Variants in DMAC2L observed in about 807,000 individuals in gnomAD.
The protein encoded by DMAC2L is distal membrane arm assembly component 2 like.
Under a neutral mutation model 22.5 loss-of-function variants are expected in DMAC2L, and 21 were observed. That is an observed-to-expected ratio of 0.93 (90% confidence interval 0.66 to 1.34). The LOEUF (loss-of-function observed/expected upper bound fraction) is 1.34. Among genes scored for constraint, DMAC2L ranks in the 40% most tolerant of loss-of-function variants. DMAC2L has a pLI of 0.00. For synonymous variants in DMAC2L, 86 were observed against 89.5 expected (o/e 0.96, Z 0.22); for missense variants, 239 against 246.5 (o/e 0.97, Z 0.20).
chr14:50,311,598 C>T (rs185162984), upstream of DMAC2L, among the ~76,000 whole-genome samples: 1 of 152,306 alleles, frequency 6.6e-6, no homozygotes, highest in East Asian at 1.9e-4. Flanking sequence ...TCAGATCTTC[C>T]AAGCAACGCC....
At chr14:50,318,736 C>T (rs912082537) in intron 2 of DMAC2L, among the ~76,000 whole-genome samples, 9 of 152,000 alleles carry the variant, frequency 5.9e-5, no homozygotes, top group Non-Finnish European at 7.4e-5. Flanking sequence ...AACTCTTAAT[C>T]ATTAAGACCC....
intron 2 of DMAC2L, among the ~76,000 whole-genome samples, chr14:50,315,080 C>T (rs1053166942): frequency 1.3e-5 from 2 of 152,166 alleles, no homozygotes; most frequent in Non-Finnish European, 1.5e-5. Flanking sequence ...CATTCTCCTG[C>T]TTCAGCCTCC....
chr14:50,320,187 G>A (rs191074995), intron 2 of DMAC2L, among the ~76,000 whole-genome samples: 4 of 152,282 alleles, frequency 2.6e-5, no homozygotes, highest in African/African-American at 9.6e-5. Context: ...TCTGCCTCCC[G>A]GGTTCAAGCG....
At chr14:50,316,538 A>T (rs2031816287) in intron 2 of DMAC2L, among the ~76,000 whole-genome samples, 1 of 152,210 alleles carries the variant, frequency 6.6e-6, no homozygotes, top group Non-Finnish European at 1.5e-5. Context: ...TCTTAGATGT[A>T]AGTCCCTGAT....
At chr14:50,319,343 C>G in intron 2 of DMAC2L, 1 of 1,535,862 alleles carries the variant, frequency 6.5e-7, no homozygotes, top group Admixed American at 2.0e-5. Context: ...CACTGTTCCA[C>G]GGCCTCAGCA....
In DMAC2L at chr14:50,322,506, A is replaced by T. The variant is rs1374798073; in HGVS notation, c.108-5A>T. 1 of 1,589,810 alleles carries T rather than the reference A, an allele frequency of 6.3e-7. No individual in the cohort carries two copies. The highest frequency in any genetic ancestry group is 1.3e-5 in the African/African-American group (1 of 74,198). ...AGCAAACTGCTTTTTTTCTCTTGCC[A>T]ACAGGGTGGATTATGATCGCATCAG... On this transcript the variant is annotated splice_region_variant and splice_polypyrimidine_tract_variant and intron_variant, in intron 3 of 5. Transcript: ENST00000557421.
chr14:50,312,075 C>T (rs561123063), upstream of DMAC2L: 5 of 1,602,792 alleles, frequency 3.1e-6, no homozygotes, highest in African/African-American at 1.3e-5. Flanking sequence ...AACCCGCACG[C>T]CCCAGGGGAG....
At chr14:50,312,956 G>T in intron 1 of DMAC2L, 1 of 1,606,082 alleles carries the variant, frequency 6.2e-7, no homozygotes, top group Non-Finnish European at 8.5e-7. Flanking sequence ...CAGACAGCTC[G>T]GTTTTTGCCA....
chr14:50,320,725 C>T (rs1178260747), intron 2 of DMAC2L, among the ~76,000 whole-genome samples: 2 of 152,132 alleles, frequency 1.3e-5, no homozygotes. Flanking sequence ...AAGCAAACAC[C>T]ATGTTTCATT....
At position 50,313,513 on chromosome 14, in the gene DMAC2L, A is replaced by G. The variant is rs183278211; in HGVS notation, c.-41-1078A>G. ...AGAACAGTGGTACATAGTTTGCTTT[A>G]TTTGTTAAAACAATGTAGAATATTG... On this transcript the variant is annotated intron_variant, in intron 1 of 5. Transcript: ENST00000557421. Among the ~76,000 whole-genome samples, 595 of 152,352 alleles carry G rather than the reference A, an allele frequency of 3.9e-3. 3 individuals are homozygous for G. Among genetic ancestry groups the G allele is most frequent in the African/African-American group, 0.013 (558 of 41,582 alleles).
upstream of DMAC2L, chr14:50,311,900 A>T: frequency 6.9e-7 from 1 of 1,446,956 alleles, no homozygotes; most frequent in Admixed American, 2.0e-5. Flanking sequence ...CAGGACCCCA[A>T]CCTGCTCTCA....
In DMAC2L at chr14:50,312,337, T is replaced by C. The variant is rs887161018; in HGVS notation, c.-94T>C. 5.2e-6 allele frequency: 4 copies of C among 774,952 alleles called. No individual in the cohort carries two copies. The highest frequency in any genetic ancestry group is 8.2e-6 in the Non-Finnish European group (4 of 490,538). 48.0% of individuals were successfully genotyped at this position (774,952 alleles called of 1,614,324 possible). ...TCGGAGGGCGAAGGGCCGGCCAGGG[T>C]GCCGCAGACGCGGGGACGCTGGCTC... On this transcript the variant is annotated 5_prime_UTR_variant, in exon 1 of 6. Coordinates refer to ENST00000557421, the MANE Select transcript of DMAC2L (RefSeq NM_001382507.1).
In DMAC2L at chr14:50,324,037, C is replaced by T. The variant is rs753895702; in HGVS notation, c.409C>T (p.Gln137Ter). The change falls in exon 5 of 6, where the codon CAA becomes TAA. Residue 137 changes from glutamine (Q) to a stop codon, truncating the protein, a stop_gained. Coordinates refer to ENST00000557421, the MANE Select transcript of DMAC2L (RefSeq NM_001382507.1). LOFTEE classifies it high-confidence loss of function. ...GAGACTTAGTCAACTTGAAAATTTA[C>T]AAAAAACCATATTGGAAATGGAAAT... ...LLRLSQLENLQKTILEMEIIS... is the reference protein window; with the variant it reads ...LLRLSQLENL The T allele has an allele frequency of 6.2e-7, 1 of 1,613,596 alleles. No individual in the cohort carries two copies. The highest frequency in any genetic ancestry group is 8.5e-7 in the Non-Finnish European group (1 of 1,179,814).
intron 5 of DMAC2L, 72 bp from the exon 6 acceptor site, chr14:50,325,536 CT>C: frequency 6.7e-7 from 1 of 1,485,724 alleles, no homozygotes; most frequent in Non-Finnish European, 9.2e-7. Context: ...AATTTTCTTT[CT>C]TTAAGTCAGT....
At chr14:50,322,023 T>C (rs929725891) in intron 3 of DMAC2L, among the ~76,000 whole-genome samples, 1 of 152,140 alleles carries the variant, frequency 6.6e-6, no homozygotes, top group Non-Finnish European at 1.5e-5. Flanking sequence ...AAACTAACCT[T>C]CTAATTACTT....
intron 1 of DMAC2L, chr14:50,312,887 G>T: frequency 3.4e-6 from 3 of 882,942 alleles, no homozygotes; most frequent in African/African-American, 1.7e-5. Flanking sequence ...TCATTGATTC[G>T]TCTTGTAAAT....
rs1221323570 is a variant in DMAC2L at position 50,314,066 on chromosome 14, T to A, written c.-41-525T>A. Among the ~76,000 whole-genome samples, 3 of 152,250 alleles carry A rather than the reference T, an allele frequency of 2.0e-5. No homozygotes were observed. The East Asian group carries it at 5.8e-4, about 29-fold the overall frequency. ...TGTATCAGTAGTTCCTTCCTTTTTA[T>A]TACTGAGTGGTATTCCATAATGTAG... On this transcript the variant is annotated intron_variant, in intron 1 of 5. Coordinates refer to ENST00000557421, the MANE Select transcript of DMAC2L (RefSeq NM_001382507.1).
intron 2 of DMAC2L, among the ~76,000 whole-genome samples, chr14:50,321,150 A>G (rs529413254): frequency 1.3e-5 from 2 of 152,176 alleles, no homozygotes; most frequent in Non-Finnish European, 2.9e-5. Flanking sequence ...GATGGGGAAT[A>G]GAGGAGCCAG....
In DMAC2L at chr14:50,327,809, G is replaced by C. The variant is rs1488201944; in HGVS notation, c.*2086G>C. On this transcript the variant is annotated 3_prime_UTR_variant, in exon 6 of 6. Coordinates refer to ENST00000557421, the MANE Select transcript of DMAC2L (RefSeq NM_001382507.1). ...CTTGAAAATAATTTTCTATGATACA[G>C]CTTTCAGGTAGAAAAATGAATTTTC... The C allele has an allele frequency of 1.3e-5, 2 of 152,136 alleles. No individual in the cohort carries two copies. Among genetic ancestry groups the C allele is most frequent in the Non-Finnish European group, 2.9e-5 (2 of 68,036 alleles). The allele number at this position is 152,136 out of a possible 1,614,324, so 9.4% of individuals were successfully genotyped here. A position where few individuals can be genotyped will look rare whatever the true frequency, so the allele number is the denominator to read the frequency against.
Sources: allele counts gnomAD v4.1 joint callset (sites outside exome capture counted in the v4.1 genomes callset), GRCh38; gene constraint gnomAD v4.1.1; transcripts MANE v1.5; gene names NCBI Gene and HGNC (gene_info 2026-07-23, HGNC 2026-07-21).